ROBO1: variants seen among roughly 807,000 people sequenced by gnomAD.
ROBO1 encodes roundabout homolog 1.
Under a neutral mutation model 195.9 loss-of-function variants are expected in ROBO1, and 149 were observed. The ratio of observed to expected loss-of-function variants is 0.76; its 90% CI spans 0.67 to 0.87. ROBO1 has a LOEUF of 0.87. Among genes scored for constraint, ROBO1 ranks in the 40% least tolerant of loss-of-function variants. The probability of loss-of-function intolerance (pLI) is 0.00; values close to 1 mark genes in which losing one functional copy is unlikely to be tolerated. For missense variants in ROBO1, 1,933 were observed against 2,068.3 expected (o/e 0.93, Z 1.27); for synonymous variants, 816 against 733.2 (o/e 1.11, Z -1.82).
chr3:79,186,403 AACAC>A (rs762724623), intron 2 of ROBO1, among the ~76,000 whole-genome samples: 1 of 151,978 alleles, frequency 6.6e-6, no homozygotes, highest in Non-Finnish European at 1.5e-5. Flanking sequence ...CATGTCTACA[AACAC>A]ACACATTCAT....
intron 2 of ROBO1, among the ~76,000 whole-genome samples, chr3:79,152,189 A>G (rs1232978139): frequency 6.6e-6 from 1 of 151,894 alleles, no homozygotes; most frequent in Non-Finnish European, 1.5e-5. Flanking sequence ...TTACATGTGC[A>G]ACAAATAAGC....
rs1702895538 is a variant in ROBO1, at chr3:78,597,520, C to CTA, written c.*1391_*1392dup. On this transcript the variant is annotated 3_prime_UTR_variant, in exon 31 of 31. Transcript: ENST00000464233. The stretch of plus-strand genomic sequence containing the variant: ...CACTGGGGTCAGACCTGATACTTAT[C>CTA]TATCTATGAATAAATGTACATTTTT... The CTA allele has an allele frequency of 6.6e-6, 1 of 152,082 alleles. No homozygotes were observed. The highest frequency in any genetic ancestry group is 1.5e-5 in the Non-Finnish European group (1 of 67,932). The allele number at this position is 152,082 out of a possible 1,614,324, so 9.4% of individuals were successfully genotyped here.
At chr3:79,647,505 TG>T (rs1166712634) in intron 1 of ROBO1, among the ~76,000 whole-genome samples, 1 of 151,996 alleles carries the variant, frequency 6.6e-6, no homozygotes, top group African/African-American at 2.4e-5. Flanking sequence ...TGTTCTCAAT[TG>T]GGGGCAATTT....
In ROBO1 at chr3:78,779,787, T is replaced by C. The variant is rs534734500; in HGVS notation, c.500-32887A>G. ...CACAAAGGATTATAAATCATTCTAC[T>C]ATAAAGACATATGCACACATATGTT... On this transcript the variant is annotated intron_variant, in intron 4 of 30. Transcript: ENST00000464233. Among the ~76,000 whole-genome samples the C allele has an allele frequency of 9.7e-4, 147 of 152,288 alleles. 1 individual carries two copies. Among genetic ancestry groups the C allele is most frequent in the African/African-American group, 3.3e-3 (138 of 41,558 alleles).
At chr3:79,692,690 C>A (rs924300958) in intron 1 of ROBO1, among the ~76,000 whole-genome samples, 1 of 151,580 alleles carries the variant, frequency 6.6e-6, no homozygotes, top group Admixed American at 6.6e-5. Context: ...AGATGTTGGT[C>A]AAAGAATGCA....
At chr3:79,697,271 A>G (rs1159703641) in intron 1 of ROBO1, among the ~76,000 whole-genome samples, 1 of 151,562 alleles carries the variant, frequency 6.6e-6, no homozygotes, top group Non-Finnish European at 1.5e-5. Flanking sequence ...TATTCTTAAA[A>G]AAGAATGAGC....
At chr3:78,734,519 C>T (rs1410438384) in intron 5 of ROBO1, among the ~76,000 whole-genome samples, 1 of 151,708 alleles carries the variant, frequency 6.6e-6, no homozygotes, top group Non-Finnish European at 1.5e-5. Flanking sequence ...CATGTTCACA[C>T]CACAGCACTC....
chr3:78,659,165 T>G (rs549512920), intron 17 of ROBO1, among the ~76,000 whole-genome samples: 2 of 152,340 alleles, frequency 1.3e-5, no homozygotes, highest in Non-Finnish European at 2.9e-5. Context: ...CACTTAAAAG[T>G]ACAGAGACTT....
intron 10 of ROBO1, among the ~76,000 whole-genome samples, chr3:78,678,791 T>C (rs565281839): frequency 5.9e-5 from 9 of 152,130 alleles, no homozygotes; most frequent in East Asian, 1.9e-4. Flanking sequence ...TTCCAAACAA[T>C]AGAAAGAGAG....
chr3:79,396,622 A>G (rs1422780900), intron 2 of ROBO1, among the ~76,000 whole-genome samples: 2 of 152,126 alleles, frequency 1.3e-5, no homozygotes, highest in African/African-American at 4.8e-5. Flanking sequence ...ATCTTGTTTT[A>G]TATTTTAAAT....
intron 19 of ROBO1, 79 bp from the exon 20 acceptor site, chr3:78,647,734 G>A (rs1706391817): frequency 1.7e-6 from 2 of 1,175,120 alleles, no homozygotes; most frequent in Non-Finnish European, 2.6e-6. Context: ...TATAAATCAA[G>A]CAGACAGCTG....
chr3:78,842,158 G>GCA (rs1158200421), intron 4 of ROBO1, among the ~76,000 whole-genome samples: 1 of 114,816 alleles, frequency 8.7e-6, no homozygotes, highest in Non-Finnish European at 1.8e-5. Context: ...TTTTTTTTGC[G>GCA]CACACACACA....
At chr3:78,877,624 T>C (rs2035933647) in intron 4 of ROBO1, among the ~76,000 whole-genome samples, 1 of 152,198 alleles carries the variant, frequency 6.6e-6, no homozygotes, top group Admixed American at 6.5e-5. Context: ...TGAGCATTAT[T>C]GCACACTTCT....
At position 79,461,579 on chromosome 3, in the gene ROBO1, T is replaced by G. The variant is rs1167034533; in HGVS notation, c.88+128245A>C. Among the ~76,000 whole-genome samples, 14 of 152,142 alleles carry G rather than the reference T, an allele frequency of 9.2e-5. No individual in the cohort carries two copies. In the South Asian group the frequency reaches 2.3e-3, roughly 25 times the overall value. On this transcript the variant is annotated intron_variant, in intron 2 of 30. Coordinates refer to ENST00000464233, the MANE Select transcript of ROBO1 (RefSeq NM_002941.4). Reference sequence around the variant, plus strand: ...AACTGAATACCATCCTGACTCTAATTGGTACCACATGGACTAGAAGAATCA... The same window carrying G: ...AACTGAATACCATCCTGACTCTAATGGGTACCACATGGACTAGAAGAATCA...
At chr3:78,709,192 G>T (rs1352954734) in intron 8 of ROBO1, among the ~76,000 whole-genome samples, 1 of 152,118 alleles carries the variant, frequency 6.6e-6, no homozygotes, top group African/African-American at 2.4e-5. Context: ...CTAACTCAAA[G>T]TTAAGCAGAA....
At chr3:78,665,803 G>C (rs1194120452) in intron 14 of ROBO1, among the ~76,000 whole-genome samples, 5 of 152,082 alleles carry the variant, frequency 3.3e-5, no homozygotes, top group African/African-American at 1.2e-4. Context: ...ACAGCTAGTG[G>C]ATTGAGGAGC....
At chr3:78,771,559 C>T (rs1457875243) in intron 4 of ROBO1, among the ~76,000 whole-genome samples, 1 of 152,072 alleles carries the variant, frequency 6.6e-6, no homozygotes. Flanking sequence ...TTTGTATCAT[C>T]TCTAATTTCT....
At chr3:78,719,993 C>A (rs2082003336) in intron 5 of ROBO1, among the ~76,000 whole-genome samples, 1 of 152,004 alleles carries the variant, frequency 6.6e-6, no homozygotes, top group Admixed American at 6.6e-5. Context: ...TTTATCATAA[C>A]CCTGCTGTGA....
chr3:79,766,751 G>T (rs1019522927), intron 1 of ROBO1, among the ~76,000 whole-genome samples: 1 of 152,146 alleles, frequency 6.6e-6, no homozygotes. Flanking sequence ...CATGGAAGCG[G>T]GGCTGGCAAG....
Sources: gnomAD v4.1 joint callset for allele counts (sites outside exome capture counted in the v4.1 genomes callset) on GRCh38, gnomAD v4.1.1 for gene constraint, MANE v1.5 for transcripts, NCBI Gene and HGNC (gene_info 2026-07-23, HGNC 2026-07-21) for gene names.